Variants in NDEL1 observed in about 807,000 individuals in gnomAD.
The protein encoded by NDEL1 is nuclear distribution protein nudE-like 1.
Under a neutral mutation model 45.7 loss-of-function variants are expected in NDEL1, and 9 were observed. The observed-to-expected ratio is 0.20, with a 90% CI of 0.12 to 0.34. NDEL1 has a LOEUF of 0.34. Among genes scored for constraint, NDEL1 ranks in the 10% least tolerant of loss-of-function variants. The probability of loss-of-function intolerance (pLI) is 1.00; values close to 1 mark genes in which losing one functional copy is unlikely to be tolerated. For synonymous variants in NDEL1, 133 were observed against 158.6 expected (o/e 0.84, Z 1.21); for missense variants, 306 against 406.2 (o/e 0.75, Z 2.12).
chr17:8,425,849 T>C (rs1431844707), intron 1 of NDEL1, among the ~76,000 whole-genome samples: 1 of 152,046 alleles, frequency 6.6e-6, no homozygotes, highest in Non-Finnish European at 1.5e-5. Context: ...AACCAACCCA[T>C]GGTACAATCA....
At chr17:8,459,694 A>G (rs193044792) in intron 7 of NDEL1, among the ~76,000 whole-genome samples, 42 of 152,262 alleles carry the variant, frequency 2.8e-4, no homozygotes, top group African/African-American at 8.9e-4. Flanking sequence ...GAAACGAGCA[A>G]TGGATAGGGT....
intron 7 of NDEL1, among the ~76,000 whole-genome samples, chr17:8,455,688 CAAAAAAAAA>C (rs34198702): frequency 9.4e-6 from 1 of 106,438 alleles, no homozygotes; most frequent in Non-Finnish European, 1.9e-5. Flanking sequence ...GACTCCATCT[CAAAAAAAAA>C]AAAAAAAAAA....
intron 1 of NDEL1, among the ~76,000 whole-genome samples, chr17:8,424,443 A>G (rs1254280635): frequency 6.6e-6 from 1 of 152,228 alleles, no homozygotes; most frequent in African/African-American, 2.4e-5. Flanking sequence ...GTAAATTCCT[A>G]GAAGCAGAAC....
chr17:8,456,665 A>C (rs1750446009), intron 7 of NDEL1, among the ~76,000 whole-genome samples: 1 of 151,856 alleles, frequency 6.6e-6, no homozygotes, highest in Non-Finnish European at 1.5e-5. Flanking sequence ...CACCTGGCTA[A>C]TTTTTGTATT....
intron 8 of NDEL1, chr17:8,464,523 A>G (rs1248257097): frequency 6.6e-6 from 1 of 152,108 alleles, no homozygotes; most frequent in Non-Finnish European, 1.5e-5. Flanking sequence ...TTGAGTCAGG[A>G]GAGAGGCGCT....
chr17:8,418,311 T>C (rs545229649), intron 1 of NDEL1, among the ~76,000 whole-genome samples: 1 of 152,346 alleles, frequency 6.6e-6, no homozygotes, highest in East Asian at 1.9e-4. Flanking sequence ...CTGAGATGGT[T>C]ACTGCATTTT....
intron 5 of NDEL1, among the ~76,000 whole-genome samples, chr17:8,449,023 C>T (rs181796425): frequency 6.6e-6 from 1 of 152,244 alleles, no homozygotes; most frequent in African/African-American, 2.4e-5. Flanking sequence ...CGTACTTTCA[C>T]CCAGGCTGGA....
At position 8,440,341 on chromosome 17, in the gene NDEL1, C is replaced by T. The variant is rs180905460; in HGVS notation, c.-12-3919C>T. 1.8e-4 allele frequency among the ~76,000 whole-genome samples: 28 copies of T among 152,048 alleles called. 1 individual carries two copies. In the East Asian group the frequency reaches 4.1e-3, roughly 22 times the overall value. ...GACAGCCTGGCCAACATGGTGAAACCGTGTCCTACTAAAAATACAAAAATT... is the reference window on the plus strand; with the variant it reads ...GACAGCCTGGCCAACATGGTGAAACTGTGTCCTACTAAAAATACAAAAATT... On this transcript the variant is annotated intron_variant, in intron 1 of 8. Transcript: ENST00000334527.
intron 1 of NDEL1, among the ~76,000 whole-genome samples, chr17:8,416,049 T>C (rs1476859951): frequency 6.6e-6 from 1 of 152,050 alleles, no homozygotes; most frequent in Non-Finnish European, 1.5e-5. Context: ...GCCTGGCCCA[T>C]TTTAATCATT....
intron 1 of NDEL1, among the ~76,000 whole-genome samples, chr17:8,442,358 A>T (rs911423064): frequency 9.2e-5 from 14 of 152,246 alleles, no homozygotes; most frequent in African/African-American, 2.2e-4. Flanking sequence ...ATGTTAATAA[A>T]GTGGTACTTT....
rs544948601 is a variant in NDEL1, at chr17:8,447,297, C to A, written c.389+395C>A. 1.2e-4 allele frequency among the ~76,000 whole-genome samples: 18 copies of A among 152,252 alleles called. 1 individual carries two copies. The South Asian group carries it at 3.5e-3, about 30-fold the overall frequency. ...AGCTGGGATTATAGGCATGTGCCAC[C>A]ACACCCAGCTAATTTTTGTATTTTT... On this transcript the variant is annotated intron_variant, in intron 4 of 8. Transcript: ENST00000334527.
chr17:8,453,109 T>C (rs1910624153), intron 6 of NDEL1, among the ~76,000 whole-genome samples: 1 of 152,180 alleles, frequency 6.6e-6, no homozygotes, highest in Non-Finnish European at 1.5e-5. Flanking sequence ...ACACCTAAAA[T>C]GTAAAACTTG....
intron 1 of NDEL1, among the ~76,000 whole-genome samples, chr17:8,429,162 A>G (rs1311034866): frequency 1.3e-5 from 2 of 152,166 alleles, no homozygotes; most frequent in Non-Finnish European, 2.9e-5. Flanking sequence ...CTTTCATACC[A>G]GCGAAAATCT....
At chr17:8,419,265 G>T (rs1439309077) in intron 1 of NDEL1, among the ~76,000 whole-genome samples, 1 of 152,060 alleles carries the variant, frequency 6.6e-6, no homozygotes, top group Non-Finnish European at 1.5e-5. Flanking sequence ...TCAAAGTAAC[G>T]TGTATTTGCT....
intron 7 of NDEL1, among the ~76,000 whole-genome samples, chr17:8,456,492 C>CTTTT (rs57327945): frequency 4.8e-5 from 4 of 82,808 alleles, no homozygotes; most frequent in African/African-American, 1.7e-4. Context: ...TAGGTTATAT[C>CTTTT]TTTTTTTTTT....
intron 5 of NDEL1, among the ~76,000 whole-genome samples, chr17:8,449,536 T>C (rs1326113383): frequency 6.6e-6 from 1 of 152,228 alleles, no homozygotes; most frequent in Non-Finnish European, 1.5e-5. Context: ...ACTATACCTA[T>C]TGAATAGTGA....
intron 1 of NDEL1, among the ~76,000 whole-genome samples, chr17:8,420,638 A>G (rs914143493): frequency 1.3e-5 from 2 of 152,252 alleles, no homozygotes; most frequent in Non-Finnish European, 2.9e-5. Context: ...TTTAACACAG[A>G]TAAGTCAGAT....
intron 1 of NDEL1, among the ~76,000 whole-genome samples, chr17:8,422,059 G>T (rs1478156518): frequency 6.6e-6 from 1 of 152,202 alleles, no homozygotes; most frequent in Non-Finnish European, 1.5e-5. Flanking sequence ...ATGAGGCATG[G>T]CTGGGTTCTC....
chr17:8,468,798 G>T (rs1911757988), downstream of NDEL1, among the ~76,000 whole-genome samples: 1 of 152,260 alleles, frequency 6.6e-6, no homozygotes, highest in Admixed American at 6.5e-5. Flanking sequence ...AAGGTCAGGA[G>T]TTCGAGACCA....
Sources: gnomAD v4.1 joint callset for allele counts (sites outside exome capture counted in the v4.1 genomes callset) on GRCh38, gnomAD v4.1.1 for gene constraint, MANE v1.5 for transcripts, NCBI Gene and HGNC (gene_info 2026-07-23, HGNC 2026-07-21) for gene names.